Variants in HAT1 observed in about 807,000 individuals in gnomAD.
HAT1 encodes histone acetyltransferase 1.
In HAT1, 20 loss-of-function variants were observed where a neutral mutation model predicts 56.6. That is an observed-to-expected ratio of 0.35 (90% CI 0.25 to 0.51). The LOEUF (loss-of-function observed/expected upper bound fraction) is 0.51. Among genes scored for constraint, HAT1 ranks in the 20% least tolerant of loss-of-function variants. The pLI, the probability that HAT1 is intolerant of heterozygous loss-of-function variation, is 0.95. For synonymous variants in HAT1, 146 were observed against 165.5 expected, an observed-to-expected ratio of 0.88 and a Z score of 0.91; for missense variants, 408 against 504.3, an observed-to-expected ratio of 0.81 and a Z score of 1.83.
At chr2:171,946,686 A>T in intron 2 of HAT1, 22 bp from the exon 3 acceptor site, 1 of 1,419,714 alleles carries the variant, frequency 7.0e-7, no homozygotes, top group East Asian at 2.3e-5. Flanking sequence ...TAATATCTCT[A>T]TTTTTTTGTC....
intron 4 of HAT1, among the ~76,000 whole-genome samples, chr2:171,961,666 TATC>T (rs916000351): frequency 6.6e-6 from 1 of 152,200 alleles, no homozygotes; most frequent in African/African-American, 2.4e-5. Context: ...TTTTATGAAA[TATC>T]ATAAAGAGCT....
At chr2:171,930,233 C>T (rs1406848698) in intron 2 of HAT1, among the ~76,000 whole-genome samples, 4 of 152,280 alleles carry the variant, frequency 2.6e-5, no homozygotes, top group East Asian at 3.9e-4. Flanking sequence ...AGTGCAGTAG[C>T]GTGATCTCCA....
chr2:171,955,597 A>G (rs897386272), intron 4 of HAT1, among the ~76,000 whole-genome samples: 2 of 152,034 alleles, frequency 1.3e-5, no homozygotes, highest in Non-Finnish European at 2.9e-5. Context: ...CCGGGGCAAC[A>G]AAAGCAAAAC....
intron 4 of HAT1, among the ~76,000 whole-genome samples, chr2:171,964,278 C>T (rs891356141): frequency 6.6e-6 from 1 of 152,100 alleles, no homozygotes; most frequent in Non-Finnish European, 1.5e-5. Context: ...TGCATGTAAA[C>T]GGTATGAAAG....
intron 9 of HAT1, among the ~76,000 whole-genome samples, chr2:171,978,922 C>CAAA (rs3838506): frequency 3.5e-4 from 24 of 69,064 alleles, no homozygotes; most frequent in East Asian, 5.1e-4. Flanking sequence ...CCCATTTCTA[C>CAAA]AAAAAAAAAA....
intron 2 of HAT1, among the ~76,000 whole-genome samples, chr2:171,926,790 G>A (rs966235450): frequency 3.3e-5 from 5 of 152,180 alleles, no homozygotes; most frequent in Non-Finnish European, 7.3e-5. Flanking sequence ...GAGTTATACT[G>A]CCAGGTATCT....
rs543926708 is a variant in HAT1 at position 171,922,809 on chromosome 2, G to C, written c.7+302G>C. The C allele has an allele frequency of 3.3e-4, 122 of 369,972 alleles. 1 individual carries two copies. Among genetic ancestry groups the C allele is most frequent in the African/African-American group, 2.1e-3 (101 of 48,152 alleles). The allele number at this position is 369,972 out of a possible 1,614,324, so 22.9% of individuals were successfully genotyped here. A position where few individuals can be genotyped will look rare whatever the true frequency, so the allele number is the denominator to read the frequency against. ...GGCTCGTAAAATGCCACATGCCTTG[G>C]GGCCTGTTTCTCTTCCCATTCCTTT... On this transcript the variant is annotated intron_variant, in intron 1 of 10. Transcript: ENST00000264108.
chr2:171,922,693 C>G (rs926212624), intron 1 of HAT1, 186 bp downstream of exon 1: 5 of 425,800 alleles, frequency 1.2e-5, no homozygotes, highest in Non-Finnish European at 2.0e-5. Context: ...GTCCGCGCCC[C>G]CGCCCCCAAC....
intron 8 of HAT1, among the ~76,000 whole-genome samples, chr2:171,970,523 T>C (rs1442152367): frequency 6.7e-5 from 3 of 45,064 alleles, no homozygotes; most frequent in Non-Finnish European, 1.9e-4. Context: ...TTTTTTTTTT[T>C]TTTTTTTTTT....
chr2:171,929,461 T>A (rs1686682820), intron 2 of HAT1, among the ~76,000 whole-genome samples: 1 of 152,216 alleles, frequency 6.6e-6, no homozygotes, highest in Non-Finnish European at 1.5e-5. Context: ...ACTGGAAGTT[T>A]TTAGTTTTAA....
At chr2:171,953,701 A>G (rs1687371512) in intron 4 of HAT1, among the ~76,000 whole-genome samples, 1 of 149,726 alleles carries the variant, frequency 6.7e-6, no homozygotes, top group Admixed American at 6.7e-5. Flanking sequence ...TAGTTTTAAA[A>G]TCACATTCTC....
intron 4 of HAT1, among the ~76,000 whole-genome samples, chr2:171,960,782 C>G (rs1203789669): frequency 6.6e-6 from 1 of 151,864 alleles, no homozygotes; most frequent in Non-Finnish European, 1.5e-5. Context: ...TAGGCTGACT[C>G]AGGAGGATCA....
intron 2 of HAT1, among the ~76,000 whole-genome samples, chr2:171,928,413 C>A (rs1169007265): frequency 6.6e-6 from 1 of 152,152 alleles, no homozygotes; most frequent in Admixed American, 6.5e-5. Flanking sequence ...TGGAATTATA[C>A]CATATATACT....
Position 171,935,515 on chromosome 2 carries a change from CAA to C in HAT1, c.112+9896_112+9897del, listed in dbSNP as rs56220004. ...GGGCAACAAGAGCAAAACTCCATCT[CAA>C]AAAAAAAAAAAAAAAAAAAAAGACA... On this transcript the variant is annotated intron_variant, in intron 2 of 10. Transcript: ENST00000264108. Among the ~76,000 whole-genome samples, 279 of 55,640 alleles carry C rather than the reference CAA, an allele frequency of 5.0e-3. 2 individuals carry two copies. The highest frequency in any genetic ancestry group is 0.015 in the African/African-American group (218 of 14,492). The allele number at this position is 55,640 out of a possible 152,430, so 36.5% of individuals were successfully genotyped here.
chr2:171,982,518 C>T (rs528951398), intron 10 of HAT1, among the ~76,000 whole-genome samples: 4 of 152,278 alleles, frequency 2.6e-5, no homozygotes, highest in African/African-American at 9.6e-5. Context: ...CAGTCCCATC[C>T]TAAACATCTC....
At position 171,979,348 on chromosome 2, in the gene HAT1, A is replaced by G. The variant is rs756046427; in HGVS notation, c.1077A>G (p.Leu359=). 9 of 1,534,486 alleles carry G rather than the reference A, an allele frequency of 5.9e-6. No individual in the cohort carries two copies. Among genetic ancestry groups the G allele is most frequent in the African/African-American group, 1.4e-5 (1 of 73,366 alleles). ...RSYRLDIKRR[L]ISPYKKKQRD... ...ACAGACTGGATATTAAAAGAAGACT[A>G]ATTAGCCCATATAAGGTAGGACTTT... Residue 359 remains leucine, a synonymous_variant, in exon 10 of 11, where the codon CTA becomes CTG. Transcript: ENST00000264108.
chr2:171,978,284 C>A (rs138504358), intron 9 of HAT1, among the ~76,000 whole-genome samples: 5 of 152,182 alleles, frequency 3.3e-5, no homozygotes, highest in Non-Finnish European at 7.4e-5. Context: ...TAGGCTCAAG[C>A]GATCTGCCCA....
chr2:171,928,290 C>T (rs1686648843), intron 2 of HAT1, among the ~76,000 whole-genome samples: 1 of 152,200 alleles, frequency 6.6e-6, no homozygotes. Flanking sequence ...TGAGAGCAGG[C>T]TTAGTAGATA....
intron 2 of HAT1, among the ~76,000 whole-genome samples, chr2:171,931,538 A>G (rs1309713791): frequency 6.6e-6 from 1 of 151,612 alleles, no homozygotes; most frequent in Non-Finnish European, 1.5e-5. Context: ...GCTGGGCGTG[A>G]TGGCACACAC....
Sources: gnomAD v4.1 joint callset for allele counts (sites outside exome capture counted in the v4.1 genomes callset) on GRCh38, gnomAD v4.1.1 for gene constraint, MANE v1.5 for transcripts, NCBI Gene and HGNC (gene_info 2026-07-23, HGNC 2026-07-21) for gene names.